EEPD1: variants seen among roughly 807,000 people sequenced by gnomAD.
EEPD1 encodes the protein endonuclease/exonuclease/phosphatase family domain-containing protein 1.
Under a neutral mutation model 46.3 loss-of-function variants are expected in EEPD1, and 17 were observed. The ratio of observed to expected loss-of-function variants is 0.37; its 90% CI spans 0.25 to 0.55. EEPD1 has a LOEUF of 0.55. Ranked by LOEUF, EEPD1 falls within the 20% of genes least tolerant of loss-of-function variation. The pLI, the probability that EEPD1 is intolerant of heterozygous loss-of-function variation, is 0.83. For synonymous variants in EEPD1, 313 were observed against 315.6 expected (o/e 0.99, Z 0.09); for missense variants, 673 against 745.6 (o/e 0.90, Z 1.13).
chr7:36,212,737 A>T (rs1274708813), intron 2 of EEPD1, among the ~76,000 whole-genome samples: 2 of 151,792 alleles, frequency 1.3e-5, no homozygotes, highest in African/African-American at 4.8e-5. Context: ...ACAAAGACAC[A>T]TGTACATGTA....
chr7:36,281,567 C>T (rs1420091729), intron 4 of EEPD1, among the ~76,000 whole-genome samples: 1 of 152,166 alleles, frequency 6.6e-6, no homozygotes, highest in Non-Finnish European at 1.5e-5. Flanking sequence ...TACTCGTTGA[C>T]TGAAAATTTC....
intron 2 of EEPD1, among the ~76,000 whole-genome samples, chr7:36,165,096 A>G (rs1302358474): frequency 6.6e-6 from 1 of 152,220 alleles, no homozygotes; most frequent in Non-Finnish European, 1.5e-5. Context: ...TATTAAATCT[A>G]CAGTAGTGTA....
chr7:36,237,035 G>A lies in EEPD1; in HGVS notation c.879-1950G>A, dbSNP rs559982532. ...TCCATGCTGCTGTAACACTCACTGC[G>A]AAGGTCTGCAGTATCATTTCTGAAG... On this transcript the variant is annotated intron_variant, in intron 2 of 7. Transcript: ENST00000242108. Among the ~76,000 whole-genome samples, 10 of 152,270 alleles carry A rather than the reference G, an allele frequency of 6.6e-5. No homozygotes were observed. The East Asian group carries it at 1.9e-3, about 29-fold the overall frequency.
At chr7:36,192,883 A>G (rs755460234) in intron 2 of EEPD1, among the ~76,000 whole-genome samples, 73 of 152,216 alleles carry the variant, frequency 4.8e-4, no homozygotes, top group Non-Finnish European at 9.1e-4. Context: ...GTTGGGCTGC[A>G]TGTTCTCCAT....
intron 3 of EEPD1, among the ~76,000 whole-genome samples, chr7:36,267,333 G>C (rs1443581733): frequency 3.3e-5 from 5 of 152,084 alleles, no homozygotes. Context: ...CCCCTGCATG[G>C]CCAGGCCTCT....
In EEPD1 at chr7:36,281,030, G is replaced by C. The variant is rs548536044; in HGVS notation, c.931-85G>C. ...AATAAGGCTGATGACTCAGAATCAT[G>C]CAGTGCCTGGCTTCTCAGGCCGCCG... On this transcript the variant is annotated intron_variant, in intron 3 of 7. Transcript: ENST00000242108. 4.2e-5 allele frequency: 45 copies of C among 1,061,884 alleles called. 1 individual carries two copies. The East Asian group carries it at 1.1e-3, about 26-fold the overall frequency. The allele number at this position is 1,061,884 out of a possible 1,614,324, so 65.8% of individuals were successfully genotyped here. A position where few individuals can be genotyped will look rare whatever the true frequency, so the allele number is the denominator to read the frequency against.
chr7:36,158,001 G>C (rs2726055), intron 2 of EEPD1, among the ~76,000 whole-genome samples: 1 of 152,030 alleles, frequency 6.6e-6, no homozygotes, highest in East Asian at 1.9e-4. Flanking sequence ...ACATCCATGT[G>C]TACCTGTAAT....
rs139013110 is a variant in EEPD1, at chr7:36,214,866, C to T, written c.879-24119C>T. ...AGAACCTCCTTTGGAATTCCCTGAG[C>T]GGAGAGAATCAAGCTGGTATAATTA... On this transcript the variant is annotated intron_variant, in intron 2 of 7. Coordinates refer to ENST00000242108, the MANE Select transcript of EEPD1 (RefSeq NM_030636.3). Among the ~76,000 whole-genome samples the T allele has an allele frequency of 1.3e-3, 201 of 152,256 alleles. 1 individual carries two copies. The highest frequency in any genetic ancestry group is 4.4e-3 in the African/African-American group (184 of 41,536).
chr7:36,219,806 A>AGAGAGAGAGTGTGTGTGT (rs1341203087), intron 2 of EEPD1, among the ~76,000 whole-genome samples: 5 of 75,400 alleles, frequency 6.6e-5, no homozygotes, highest in African/African-American at 2.3e-4. Context: ...AGAGAGAGAG[A>AGAGAGAGAGTGTGTGTGT]GTGTGTGTGT....
At chr7:36,232,447 A>G (rs968291532) in intron 2 of EEPD1, among the ~76,000 whole-genome samples, 1 of 151,206 alleles carries the variant, frequency 6.6e-6, no homozygotes, top group African/African-American at 2.4e-5. Context: ...CTTGTGATCC[A>G]CCCGCCTCGG....
intron 2 of EEPD1, among the ~76,000 whole-genome samples, chr7:36,167,769 G>T (rs1365652693): frequency 6.6e-6 from 1 of 152,108 alleles, no homozygotes; most frequent in Non-Finnish European, 1.5e-5. Flanking sequence ...AGGCTGAAGT[G>T]CAGTGGCGCC....
At chr7:36,186,214 G>A (rs527940394) in intron 2 of EEPD1, among the ~76,000 whole-genome samples, 2 of 152,122 alleles carry the variant, frequency 1.3e-5, no homozygotes, top group African/African-American at 4.8e-5. Flanking sequence ...TCTCTGCTGG[G>A]TAGTGGCACA....
chr7:36,258,125 G>A (rs1220452752), intron 3 of EEPD1, among the ~76,000 whole-genome samples: 1 of 152,178 alleles, frequency 6.6e-6, no homozygotes, highest in African/African-American at 2.4e-5. Context: ...GTCCACTCCG[G>A]ACCCCGTTTG....
At chr7:36,166,942 C>T (rs1583782463) in intron 2 of EEPD1, among the ~76,000 whole-genome samples, 1 of 152,096 alleles carries the variant, frequency 6.6e-6, no homozygotes, top group African/African-American at 2.4e-5. Flanking sequence ...GGGCTTCAAC[C>T]ACAGAAATGA....
intron 3 of EEPD1, among the ~76,000 whole-genome samples, chr7:36,272,572 G>A (rs1190250926): frequency 6.8e-6 from 1 of 147,438 alleles, no homozygotes; most frequent in African/African-American, 2.5e-5. Context: ...CCATGTGGTT[G>A]GTATCTTTGG....
At chr7:36,220,695 T>C (rs1583816883) in intron 2 of EEPD1, among the ~76,000 whole-genome samples, 1 of 152,386 alleles carries the variant, frequency 6.6e-6, no homozygotes, top group East Asian at 1.9e-4. Context: ...CTCTGATGTC[T>C]GTGGTTCAGA....
intron 6 of EEPD1, among the ~76,000 whole-genome samples, chr7:36,296,030 CAAAAAAAAAAAAA>C (rs34494609): frequency 1.4e-5 from 1 of 71,950 alleles, no homozygotes; most frequent in Admixed American, 2.3e-4. Flanking sequence ...GACTGTCTCA[CAAAAAAAAAAAAA>C]AAAAAAAAAA....
chr7:36,293,190 G>A (rs927817214), intron 6 of EEPD1, among the ~76,000 whole-genome samples: 2 of 152,132 alleles, frequency 1.3e-5, no homozygotes, highest in Non-Finnish European at 2.9e-5. Context: ...ACTTAGAAAT[G>A]TGGTGGTAAA....
chr7:36,169,765 G>T (rs1352153836), intron 2 of EEPD1, among the ~76,000 whole-genome samples: 3 of 152,214 alleles, frequency 2.0e-5, no homozygotes, highest in African/African-American at 7.2e-5. Flanking sequence ...GGAGCCTGGA[G>T]AACTTCATTT....
Sources: gnomAD v4.1 joint callset for allele counts (sites outside exome capture counted in the v4.1 genomes callset) on GRCh38, gnomAD v4.1.1 for gene constraint, MANE v1.5 for transcripts, NCBI Gene and HGNC (gene_info 2026-07-23, HGNC 2026-07-21) for gene names.